Variants in SGCZ observed in about 807,000 individuals in gnomAD.
SGCZ encodes zeta-sarcoglycan.
A neutral mutation model predicts 41.3 loss-of-function variants in SGCZ; 40 were observed. The ratio of observed to expected loss-of-function variants is 0.97; its 90% CI spans 0.75 to 1.26. The LOEUF (loss-of-function observed/expected upper bound fraction) is 1.26. Among genes scored for constraint, SGCZ ranks in the 50% most tolerant of loss-of-function variants. The pLI is 0.00. For synonymous variants in SGCZ, 206 were observed against 137.5 expected (o/e 1.50, Z -3.49); for missense variants, 552 against 369.8 (o/e 1.49, Z -4.04).
intron 2 of SGCZ, among the ~76,000 whole-genome samples, chr8:14,475,003 T>G (rs1039134679): frequency 6.6e-6 from 1 of 152,194 alleles, no homozygotes; most frequent in African/African-American, 2.4e-5. Context: ...GATACATATT[T>G]TTTCTTCTCC....
intron 2 of SGCZ, among the ~76,000 whole-genome samples, chr8:14,533,273 G>A (rs1449364210): frequency 6.6e-6 from 1 of 151,468 alleles, no homozygotes; most frequent in Non-Finnish European, 1.5e-5. Context: ...TGGTATTTGT[G>A]TACATCCAAT....
intron 1 of SGCZ, among the ~76,000 whole-genome samples, chr8:14,728,965 G>A (rs1810145480): frequency 6.6e-6 from 1 of 152,148 alleles, no homozygotes; most frequent in Admixed American, 6.5e-5. Flanking sequence ...TTCATGCGAA[G>A]TCAATGCCCC....
rs182354816 is a variant in SGCZ at position 14,898,029 on chromosome 8, G to A, written c.39+339556C>T. On this transcript the variant is annotated intron_variant, in intron 1 of 7. Coordinates refer to ENST00000382080, the MANE Select transcript of SGCZ (RefSeq NM_139167.4). The stretch of plus-strand genomic sequence containing the variant: ...ATTTTATAGTTGATTTACAATTCAC[G>A]AACAGATGTGTTTAGTATGTTTATA... 4.1e-3 allele frequency among the ~76,000 whole-genome samples: 620 copies of A among 151,926 alleles called. 4 individuals are homozygous for A. Among genetic ancestry groups the A allele is most frequent in the South Asian group, 0.018 (86 of 4,806 alleles).
intron 1 of SGCZ, among the ~76,000 whole-genome samples, chr8:14,584,666 A>G (rs907984318): frequency 3.9e-5 from 6 of 152,150 alleles, no homozygotes; most frequent in Admixed American, 3.3e-4. Flanking sequence ...AGCACGCTAA[A>G]TTTAATTTTT....
chr8:14,420,804 T>C lies in SGCZ; in HGVS notation c.235-96600A>G, dbSNP rs192909403. On this transcript the variant is annotated intron_variant, in intron 2 of 7. Coordinates refer to ENST00000382080, the MANE Select transcript of SGCZ (RefSeq NM_139167.4). ...CTTCTTTTCCCACTTAATATGTTTC[T>C]TTCCTCCTTTTATCTTTGTTAAAAT... 1.7e-3 allele frequency among the ~76,000 whole-genome samples: 264 copies of C among 152,220 alleles called. 2 individuals carry two copies. The highest frequency in any genetic ancestry group is 6.2e-3 in the African/African-American group (258 of 41,554).
intron 3 of SGCZ, among the ~76,000 whole-genome samples, chr8:14,239,275 ACACACAC>A (rs1410496531): frequency 1.3e-5 from 2 of 151,706 alleles, no homozygotes; most frequent in Non-Finnish European, 2.9e-5. Context: ...ACACACACAC[ACACACAC>A]ACAAATTCTA....
intron 1 of SGCZ, among the ~76,000 whole-genome samples, chr8:15,000,946 A>C (rs544419318): frequency 6.6e-6 from 1 of 152,316 alleles, no homozygotes; most frequent in South Asian, 2.1e-4. Flanking sequence ...TGTGCAAGAC[A>C]ACAAATCCCA....
intron 2 of SGCZ, among the ~76,000 whole-genome samples, chr8:14,357,277 T>C (rs1803334175): frequency 6.6e-6 from 1 of 152,200 alleles, no homozygotes; most frequent in Non-Finnish European, 1.5e-5. Flanking sequence ...ATTTCAGTAG[T>C]AGCTTCATTA....
In SGCZ at chr8:14,108,242, G is replaced by A. The variant is rs1802268589; in HGVS notation, c.548-7C>T. The A allele has an allele frequency of 6.2e-7, 1 of 1,613,824 alleles. No homozygotes were observed. The highest frequency in any genetic ancestry group is 1.7e-5 in the Admixed American group (1 of 59,992). On this transcript the variant is annotated splice_polypyrimidine_tract_variant and splice_region_variant and intron_variant, in intron 5 of 7. Transcript: ENST00000382080. Reference sequence around the variant, plus strand: ...AATACGGCTCCTTCAGTGCCTGGGGGTAGCATGAATATAGCAGTCAGTATA... The same window carrying A: ...AATACGGCTCCTTCAGTGCCTGGGGATAGCATGAATATAGCAGTCAGTATA...
chr8:14,838,772 G>A (rs1032252648), intron 1 of SGCZ, among the ~76,000 whole-genome samples: 6 of 152,072 alleles, frequency 3.9e-5, no homozygotes, highest in African/African-American at 1.4e-4. Context: ...TGCCTCCCTT[G>A]TATCTTTTCG....
chr8:15,210,324 T>C (rs1801196529), intron 1 of SGCZ, among the ~76,000 whole-genome samples: 1 of 152,158 alleles, frequency 6.6e-6, no homozygotes, highest in African/African-American at 2.4e-5. Context: ...GTCTTTATGA[T>C]ATGAAGTCAT....
intron 1 of SGCZ, among the ~76,000 whole-genome samples, chr8:15,232,199 C>T (rs1801964456): frequency 6.6e-6 from 1 of 152,124 alleles, no homozygotes; most frequent in Non-Finnish European, 1.5e-5. Context: ...TCTGAGACAG[C>T]ATAAGAAACA....
intron 4 of SGCZ, among the ~76,000 whole-genome samples, chr8:14,207,802 A>G (rs1805667257): frequency 6.6e-6 from 1 of 152,174 alleles, no homozygotes; most frequent in Non-Finnish European, 1.5e-5. Context: ...CATGAAGGGC[A>G]GGGATCTTTT....
intron 1 of SGCZ, among the ~76,000 whole-genome samples, chr8:15,088,383 AG>A (rs1241683970): frequency 6.6e-6 from 1 of 152,160 alleles, no homozygotes; most frequent in Non-Finnish European, 1.5e-5. Context: ...TTCTGCTCAA[AG>A]GTATTGTATT....
At chr8:14,615,215 G>C (rs1050436493) in intron 1 of SGCZ, among the ~76,000 whole-genome samples, 2 of 152,144 alleles carry the variant, frequency 1.3e-5, no homozygotes, top group Non-Finnish European at 2.9e-5. Flanking sequence ...TCTGTACTTT[G>C]AATTCCTACA....
chr8:15,224,288 A>G (rs1197201101), intron 1 of SGCZ, among the ~76,000 whole-genome samples: 1 of 152,234 alleles, frequency 6.6e-6, no homozygotes, highest in Non-Finnish European at 1.5e-5. Flanking sequence ...TTAAAGACAC[A>G]TTATAATAAA....
Position 14,656,357 on chromosome 8 carries a change from TC to T in SGCZ, c.40-101432del, listed in dbSNP as rs1563182826. 7.4e-4 allele frequency among the ~76,000 whole-genome samples: 111 copies of T among 150,434 alleles called. 2 individuals carry two copies. The highest frequency in any genetic ancestry group is 2.6e-3 in the African/African-American group (108 of 41,036). The stretch of plus-strand genomic sequence containing the variant: ...TCCCTCCCTTCCTTCTCTCCTTCCT[TC>T]TTCCTTTTCTTTTCGTTTTTTCTTC... On this transcript the variant is annotated intron_variant, in intron 1 of 7. Coordinates refer to ENST00000382080, the MANE Select transcript of SGCZ (RefSeq NM_139167.4).
intron 1 of SGCZ, among the ~76,000 whole-genome samples, chr8:14,845,055 T>G (rs568829070): frequency 6.6e-6 from 1 of 152,292 alleles, no homozygotes; most frequent in African/African-American, 2.4e-5. Flanking sequence ...GAGGGTGAAT[T>G]CTGGAAATTT....
At chr8:14,899,084 T>C (rs529881850) in intron 1 of SGCZ, among the ~76,000 whole-genome samples, 3 of 151,780 alleles carry the variant, frequency 2.0e-5, no homozygotes, top group Non-Finnish European at 4.4e-5. Flanking sequence ...GGAACTGTAA[T>C]TTTTTTTTCC....
Sources: allele counts gnomAD v4.1 joint callset (sites outside exome capture counted in the v4.1 genomes callset), GRCh38; gene constraint gnomAD v4.1.1; transcripts MANE v1.5; gene names NCBI Gene and HGNC (gene_info 2026-07-23, HGNC 2026-07-21).